RSF1: variants seen among roughly 807,000 people sequenced by gnomAD.
RSF1 encodes the protein HBV pX-associated protein 8.
A neutral mutation model predicts 145.2 loss-of-function variants in RSF1; 13 were observed. That is an observed-to-expected ratio of 0.09 (90% CI 0.06 to 0.14). The LOEUF is 0.14. RSF1 is among the 10% of genes least tolerant of loss of function. The pLI is 1.00. For synonymous variants in RSF1, 577 were observed against 592.6 expected, an observed-to-expected ratio of 0.97 and a Z score of 0.38; for missense variants, 1,517 against 1,718.2, an observed-to-expected ratio of 0.88 and a Z score of 2.07.
intron 1 of RSF1, among the ~76,000 whole-genome samples, chr11:77,799,152 T>C (rs1471891451): frequency 6.6e-6 from 1 of 151,784 alleles, no homozygotes; most frequent in African/African-American, 2.4e-5. Flanking sequence ...ATCTAGAATA[T>C]ACAAGAAACT....
At position 77,764,692 on chromosome 11, in the gene RSF1, TAAAA is replaced by T. The variant is rs1948208316; in HGVS notation, c.188-7_188-4del. On this transcript the variant is annotated splice_polypyrimidine_tract_variant and splice_region_variant and intron_variant, in intron 1 of 15. Coordinates refer to ENST00000308488, the MANE Select transcript of RSF1 (RefSeq NM_016578.4). ...GAGCTCCACCAATTCTTTTGGTACT[TAAAA>T]GAAAGAAAAAAAATATCATTAGCCA... 6.4e-7 allele frequency: 1 copy of T among 1,556,804 alleles called. No individual in the cohort carries two copies. Among genetic ancestry groups the T allele is most frequent in the African/African-American group, 1.4e-5 (1 of 73,054 alleles).
intron 1 of RSF1, among the ~76,000 whole-genome samples, chr11:77,777,363 G>A (rs150076228): frequency 1.3e-3 from 193 of 152,204 alleles, no homozygotes; most frequent in African/African-American, 4.4e-3. Context: ...AGGCTGCAGC[G>A]GGTGGATCCC....
upstream of RSF1, among the ~76,000 whole-genome samples, chr11:77,821,394 G>T (rs1948892026): frequency 6.6e-6 from 1 of 152,140 alleles, no homozygotes; most frequent in Admixed American, 6.5e-5. Context: ...TTAATTAGGG[G>T]CTGGGCTGGG....
At chr11:77,820,434 G>T in intron 1 of RSF1, 94 bp downstream of exon 1, 1 of 1,304,074 alleles carries the variant, frequency 7.7e-7, no homozygotes, top group Non-Finnish European at 1.0e-6. Context: ...AGCCGCGGAG[G>T]CCCGAGCCGC....
chr11:77,864,916 G>A, the RSF1 span, among the ~76,000 whole-genome samples: 3 of 152,136 alleles, frequency 2.0e-5, no homozygotes, highest in Admixed American at 1.3e-4. Context: ...GATTGAGGCT[G>A]CAGTGAGCCC....
chr11:77,798,777 T>C (rs1225106194), intron 1 of RSF1, among the ~76,000 whole-genome samples: 3 of 145,498 alleles, frequency 2.1e-5, no homozygotes, highest in East Asian at 2.0e-4. Context: ...GAAGTGGGAG[T>C]TGAACAATGA....
At chr11:77,754,996 A>C (rs1463155225) in intron 2 of RSF1, among the ~76,000 whole-genome samples, 1 of 152,174 alleles carries the variant, frequency 6.6e-6, no homozygotes, top group Non-Finnish European at 1.5e-5. Flanking sequence ...AGTGTAAATT[A>C]ACTAGACTAA....
chr11:77,822,040 G>A (rs2136010118), upstream of RSF1, among the ~76,000 whole-genome samples: 1 of 152,070 alleles, frequency 6.6e-6, no homozygotes, highest in East Asian at 1.9e-4. Flanking sequence ...ATCAAAAAAG[G>A]AGTTCCTATA....
the RSF1 span, chr11:77,850,746 T>C: frequency 6.6e-6 from 1 of 150,412 alleles, no homozygotes; most frequent in African/African-American, 2.5e-5. Context: ...CATGTTTGTT[T>C]CTTTTCTCAC....
At chr11:77,760,300 TATACTA>T (rs567514338) in intron 2 of RSF1, among the ~76,000 whole-genome samples, 50 of 152,320 alleles carry the variant, frequency 3.3e-4, no homozygotes, top group African/African-American at 6.3e-4. Flanking sequence ...TGGAAATCAT[TATACTA>T]ATACTAAGTG....
At chr11:77,786,828 A>T (rs533999326) in intron 1 of RSF1, among the ~76,000 whole-genome samples, 49 of 152,342 alleles carry the variant, frequency 3.2e-4, no homozygotes, top group African/African-American at 1.0e-3. Context: ...ACAAAAATAT[A>T]TGAAACTAGA....
Position 77,808,527 on chromosome 11 carries a change from CTTTTTTTTTTT to C in RSF1, c.187+11990_187+12000del, listed in dbSNP as rs745630976. ...TTAGTATCCCATTCAAATATTATAC[CTTTTTTTTTTT>C]TTTTTTTTTTTTTGAGACGGAGTCT... On this transcript the variant is annotated intron_variant, in intron 1 of 15. Transcript: ENST00000308488. 3.5e-4 allele frequency among the ~76,000 whole-genome samples: 21 copies of C among 59,984 alleles called. 2 individuals carry two copies. The highest frequency in any genetic ancestry group is 6.4e-4 in the Admixed American group (2 of 3,122). The allele number at this position is 59,984 out of a possible 152,430, so 39.4% of individuals were successfully genotyped here. A position where few individuals can be genotyped will look rare whatever the true frequency, so the allele number is the denominator to read the frequency against.
At chr11:77,714,718 T>G (rs1470464476) in intron 5 of RSF1, among the ~76,000 whole-genome samples, 2 of 152,158 alleles carry the variant, frequency 1.3e-5, no homozygotes, top group African/African-American at 4.8e-5. Context: ...GGCGCATGCC[T>G]GTAGTTCCAG....
intron 2 of RSF1, among the ~76,000 whole-genome samples, chr11:77,754,711 T>C (rs547961819): frequency 1.2e-3 from 176 of 152,014 alleles, no homozygotes; most frequent in African/African-American, 4.1e-3. Context: ...ACCACTGCAC[T>C]CCAGTCTAGG....
At chr11:77,828,082 G>A in the RSF1 span, among the ~76,000 whole-genome samples, 1 of 152,132 alleles carries the variant, frequency 6.6e-6, no homozygotes, top group Middle Eastern at 3.4e-3. Flanking sequence ...ATACCAGCCT[G>A]GCCAACATGG....
chr11:77,822,192 C>A (rs1218084828), upstream of RSF1, among the ~76,000 whole-genome samples: 1 of 152,028 alleles, frequency 6.6e-6, no homozygotes, highest in Non-Finnish European at 1.5e-5. Flanking sequence ...GTAATCCCAA[C>A]ACTTTGGGAA....
At chr11:77,674,921 C>T in intron 14 of RSF1, 115 bp downstream of exon 14, 5 of 762,808 alleles carry the variant, frequency 6.6e-6, no homozygotes, top group Non-Finnish European at 1.0e-5. Context: ...ATCGCTTGAA[C>T]CCGGGACACA....
chr11:77,693,707 A>ATAGAGTGCTTT, intron 7 of RSF1, 96 bp from the exon 8 acceptor site: 1 of 609,308 alleles, frequency 1.6e-6, no homozygotes, highest in Non-Finnish European at 2.8e-6. Context: ...TATACTGCAA[A>ATAGAGTGCTTT]GCACTCTATT....
At chr11:77,775,455 G>T (rs927390770) in intron 1 of RSF1, among the ~76,000 whole-genome samples, 1 of 152,120 alleles carries the variant, frequency 6.6e-6, no homozygotes, top group Non-Finnish European at 1.5e-5. Flanking sequence ...TCTTTTCCCC[G>T]CTTTTCTCTC....
Sources: gnomAD v4.1 joint callset for allele counts (sites outside exome capture counted in the v4.1 genomes callset) on GRCh38, gnomAD v4.1.1 for gene constraint, MANE v1.5 for transcripts, NCBI Gene and HGNC (gene_info 2026-07-23, HGNC 2026-07-21) for gene names.